The following RNF6 variants were observed in gnomAD, a reference collection of about 807,000 sequenced individuals.
RNF6 encodes ring finger protein 6.
Under a neutral mutation model 50.1 loss-of-function variants are expected in RNF6, and 21 were observed. The observed-to-expected ratio is 0.42, with a 90% CI of 0.30 to 0.60. The LOEUF is 0.60. Among genes scored for constraint, RNF6 ranks in the 20% least tolerant of loss-of-function variants. The pLI, the probability that RNF6 is intolerant of heterozygous loss-of-function variation, is 0.20. For missense variants in RNF6, 698 were observed against 838.2 expected (o/e 0.83, Z 2.07); for synonymous variants, 255 against 291.8 (o/e 0.87, Z 1.29).
chr13:26,217,781 T>C (rs930195067), intron 4 of RNF6, among the ~76,000 whole-genome samples: 3 of 152,258 alleles, frequency 2.0e-5, no homozygotes, highest in Non-Finnish European at 2.9e-5. Flanking sequence ...TAGTCACATG[T>C]GGCTAGCAGC....
chr13:26,195,802 C>A (rs1235006068), intron 5 of RNF6, among the ~76,000 whole-genome samples: 4 of 152,116 alleles, frequency 2.6e-5, no homozygotes, highest in African/African-American at 7.2e-5. Flanking sequence ...ACACCCACAC[C>A]CACACACACA....
intron 5 of RNF6, among the ~76,000 whole-genome samples, chr13:26,159,469 C>T (rs4770929): frequency 0.04 from 6,114 of 151,834 alleles, 382 homozygotes; most frequent in East Asian, 0.25. Flanking sequence ...CTAAAAAATA[C>T]AAAAAATTAA....
chr13:26,153,198 A>ATTTTG (rs1871723991), intron 5 of RNF6, among the ~76,000 whole-genome samples: 1 of 150,796 alleles, frequency 6.6e-6, no homozygotes, highest in African/African-American at 2.4e-5. Flanking sequence ...AAGATATTTT[A>ATTTTG]TTTTATTTTA....
At position 26,214,440 on chromosome 13, in the gene RNF6, C is replaced by T. The variant is rs557292165; in HGVS notation, c.1442G>A (p.Arg481Gln). Residue 481 changes from arginine (R) to glutamine (Q), a missense_variant, in exon 5 of 5, where the codon CGG becomes CAG. Arg to Gln is a conservative substitution (Grantham distance 43). Transcript: ENST00000381588. ...ELVEPSSVAL[R>Q]SILRQIMTGF... ...AGTCATGATCTGCCTTAAAATTGACCGAAGAGCCACTGATGATGGCTCAAC... is the reference window on the plus strand; with the variant it reads ...AGTCATGATCTGCCTTAAAATTGACTGAAGAGCCACTGATGATGGCTCAAC... The T allele has an allele frequency of 2.1e-5, 34 of 1,614,102 alleles. No homozygotes were observed. Among genetic ancestry groups the T allele is most frequent in the South Asian group, 9.9e-5 (9 of 91,076 alleles).
At chr13:26,145,881 C>T (rs2137568058) in intron 5 of RNF6, among the ~76,000 whole-genome samples, 1 of 152,274 alleles carries the variant, frequency 6.6e-6, no homozygotes, top group East Asian at 1.9e-4. Context: ...GGTCAGGGAA[C>T]CAATGTGAGG....
chr13:26,158,547 A>G (rs576983887), intron 5 of RNF6, among the ~76,000 whole-genome samples: 6 of 152,340 alleles, frequency 3.9e-5, no homozygotes, highest in African/African-American at 1.4e-4. Flanking sequence ...TGGTTAAGAA[A>G]AGTATGATAA....
At chr13:26,135,717 G>T (rs1870612492) in intron 5 of RNF6, 1 of 152,196 alleles carries the variant, frequency 6.6e-6, no homozygotes, top group Non-Finnish European at 1.5e-5. Flanking sequence ...ATCTCACGTA[G>T]GACTGTGACC....
chr13:26,163,093 G>A (rs1042705071), intron 5 of RNF6, among the ~76,000 whole-genome samples: 1 of 151,972 alleles, frequency 6.6e-6, no homozygotes, highest in Non-Finnish European at 1.5e-5. Flanking sequence ...GGTGGATCAC[G>A]AGGTCAGGAG....
downstream of RNF6, among the ~76,000 whole-genome samples, chr13:26,211,614 CG>C (rs1438396571): frequency 3.3e-5 from 5 of 151,964 alleles, no homozygotes; most frequent in African/African-American, 7.3e-5. Flanking sequence ...GAAAATTCGC[CG>C]GGCGTGGTGG....
chr13:26,135,881 C>G (rs1870623531), intron 5 of RNF6, among the ~76,000 whole-genome samples: 2 of 152,062 alleles, frequency 1.3e-5, no homozygotes, highest in Admixed American at 6.6e-5. Context: ...GGCACCTCCT[C>G]CCTCGCTCTC....
intron 5 of RNF6, among the ~76,000 whole-genome samples, chr13:26,199,121 C>G (rs1423839398): frequency 6.6e-6 from 1 of 151,874 alleles, no homozygotes; most frequent in Non-Finnish European, 1.5e-5. Context: ...CATTAACAAG[C>G]TGAGTTTTAA....
In RNF6 at chr13:26,174,238, C is replaced by T. The variant is rs182216195; in HGVS notation, n.768+41236G>A. Among the ~76,000 whole-genome samples the T allele has an allele frequency of 5.6e-4, 85 of 152,118 alleles. 1 individual carries two copies. Among genetic ancestry groups the T allele is most frequent in the African/African-American group, 1.9e-3 (78 of 41,474 alleles). On this transcript the variant is annotated intron_variant and non_coding_transcript_variant, in intron 5 of 5. Coordinates refer to the RNF6 transcript ENST00000468480. The stretch of plus-strand genomic sequence containing the variant: ...TCTCGGTGCCTGTCTCACAGGATTT[C>T]GAGGGCAAGAGTCTGGAATGAAAGA...
chr13:26,218,404 TA>T (rs1870112919), intron 4 of RNF6, 106 bp downstream of exon 4: 1 of 835,334 alleles, frequency 1.2e-6, no homozygotes, highest in African/African-American at 1.7e-5. Flanking sequence ...AGTATCACAT[TA>T]AAACTGGAAA....
downstream of RNF6, among the ~76,000 whole-genome samples, chr13:26,210,039 C>A (rs1423009742): frequency 6.6e-6 from 1 of 152,132 alleles, no homozygotes; most frequent in Non-Finnish European, 1.5e-5. Context: ...CACACTCATA[C>A]TCACTGAAAA....
At chr13:26,215,952 T>C (rs922650650) in intron 4 of RNF6, among the ~76,000 whole-genome samples, 1 of 152,218 alleles carries the variant, frequency 6.6e-6, no homozygotes, top group African/African-American at 2.4e-5. Flanking sequence ...TATAGTAATA[T>C]CAATAAAATA....
intron 5 of RNF6, among the ~76,000 whole-genome samples, chr13:26,205,344 G>A (rs1566433078): frequency 6.6e-6 from 1 of 152,160 alleles, no homozygotes; most frequent in Non-Finnish European, 1.5e-5. Context: ...AATTATTTAA[G>A]CTCTCCAGAT....
intron 5 of RNF6, among the ~76,000 whole-genome samples, chr13:26,198,762 A>G (rs1868778059): frequency 6.6e-6 from 1 of 152,052 alleles, no homozygotes; most frequent in Admixed American, 6.5e-5. Context: ...TTTAAAAGCT[A>G]TTAAATAAGT....
At chr13:26,192,111 T>C (rs1244352603) in intron 5 of RNF6, among the ~76,000 whole-genome samples, 1 of 152,118 alleles carries the variant, frequency 6.6e-6, no homozygotes, top group African/African-American at 2.4e-5. Context: ...CATGTAGAAG[T>C]TTGATAGTCA....
intron 5 of RNF6, among the ~76,000 whole-genome samples, chr13:26,184,014 ATATATTTTTTTTTT>A (rs869168912): frequency 0.37 from 20,144 of 54,746 alleles, 1,268 homozygotes; most frequent in Non-Finnish European, 0.42. Flanking sequence ...ATATATATAT[ATATATTTTTTTTTT>A]TTTTTTTTTT....
Sources: allele counts gnomAD v4.1 joint callset (sites outside exome capture counted in the v4.1 genomes callset), GRCh38; gene constraint gnomAD v4.1.1; transcripts MANE v1.5; gene names NCBI Gene and HGNC (gene_info 2026-07-23, HGNC 2026-07-21).